Variants in PLCB1 observed in about 807,000 individuals in gnomAD.
PLCB1 encodes phospholipase C beta 1.
PLCB1 carries 46 observed loss-of-function variants against 161.8 expected under a neutral mutation model. That is an observed-to-expected ratio of 0.28 (90% CI 0.22 to 0.36). The LOEUF (loss-of-function observed/expected upper bound fraction) is 0.36. PLCB1 is among the 10% of genes least tolerant of loss of function. The pLI, the probability that PLCB1 is intolerant of heterozygous loss-of-function variation, is 1.00. For synonymous variants in PLCB1, 517 were observed against 503.7 expected (o/e 1.03, Z -0.35); for missense variants, 1,016 against 1,472.5 (o/e 0.69, Z 5.07).
chr20:8,741,180 A>G (rs1362908995), intron 22 of PLCB1, among the ~76,000 whole-genome samples: 1 of 152,212 alleles, frequency 6.6e-6, no homozygotes, highest in African/African-American at 2.4e-5. Context: ...GTCCAGTTTG[A>G]CTCTCAGAAC....
chr20:8,470,401 TCTC>T (rs1418997117), intron 3 of PLCB1, among the ~76,000 whole-genome samples: 1 of 152,214 alleles, frequency 6.6e-6, no homozygotes, highest in African/African-American at 2.4e-5. Flanking sequence ...GATTCCACGT[TCTC>T]CACATTCTCA....
chr20:8,724,787 C>T (rs1214133193), intron 16 of PLCB1, 35 bp downstream of exon 16: 2 of 1,089,946 alleles, frequency 1.8e-6, no homozygotes, highest in East Asian at 4.7e-5. Context: ...CCTCTTGCAG[C>T]ATATAATGAT....
At chr20:8,318,949 T>C (rs759606869) in intron 2 of PLCB1, among the ~76,000 whole-genome samples, 6 of 152,148 alleles carry the variant, frequency 3.9e-5, no homozygotes, top group Non-Finnish European at 5.9e-5. Context: ...AAAAGTGATA[T>C]CTTTTTACCA....
At chr20:8,804,297 C>G (rs1262234191) in intron 31 of PLCB1, among the ~76,000 whole-genome samples, 1 of 152,142 alleles carries the variant, frequency 6.6e-6, no homozygotes, top group Non-Finnish European at 1.5e-5. Context: ...GTGTTCACAA[C>G]TTGTATTCCC....
At chr20:8,826,653 T>C (rs908105746) in intron 31 of PLCB1, among the ~76,000 whole-genome samples, 4 of 152,202 alleles carry the variant, frequency 2.6e-5, no homozygotes, top group African/African-American at 9.6e-5. Context: ...CTCTATTGTT[T>C]TGTGTTACCC....
At chr20:8,777,452 C>T (rs1982998385) in intron 27 of PLCB1, among the ~76,000 whole-genome samples, 1 of 152,090 alleles carries the variant, frequency 6.6e-6, no homozygotes, top group Admixed American at 6.5e-5. Flanking sequence ...GGTGCGGTGG[C>T]TCACACCTGT....
chr20:8,391,945 G>A (rs749696848), intron 3 of PLCB1, among the ~76,000 whole-genome samples: 1 of 151,210 alleles, frequency 6.6e-6, no homozygotes, highest in Non-Finnish European at 1.5e-5. Context: ...GTAATTTAAC[G>A]AAAGAAACAT....
At chr20:8,235,766 A>G (rs1366401025) in intron 2 of PLCB1, among the ~76,000 whole-genome samples, 1 of 152,110 alleles carries the variant, frequency 6.6e-6, no homozygotes, top group African/African-American at 2.4e-5. Context: ...TCAACACGGA[A>G]ATTATTTCTA....
intron 9 of PLCB1, among the ~76,000 whole-genome samples, chr20:8,665,468 C>T (rs1343862781): frequency 6.6e-6 from 1 of 152,096 alleles, no homozygotes; most frequent in African/African-American, 2.4e-5. Context: ...TGCTGTTTCT[C>T]ATCTAACAGC....
chr20:8,675,554 A>G (rs1387199255), intron 9 of PLCB1, among the ~76,000 whole-genome samples: 1 of 152,214 alleles, frequency 6.6e-6, no homozygotes, highest in Admixed American at 6.5e-5. Context: ...CAAATACAAG[A>G]TCAAAGATAA....
At chr20:8,638,952 G>C (rs1203820535) in intron 4 of PLCB1, among the ~76,000 whole-genome samples, 1 of 150,388 alleles carries the variant, frequency 6.6e-6, no homozygotes, top group Non-Finnish European at 1.5e-5. Flanking sequence ...TTTTTAATTT[G>C]TGTTTTGTTC....
chr20:8,291,234 C>T (rs1447917791), intron 2 of PLCB1, among the ~76,000 whole-genome samples: 1 of 152,136 alleles, frequency 6.6e-6, no homozygotes, highest in African/African-American at 2.4e-5. Context: ...AATCCAGCTC[C>T]TGATCAGGCT....
intron 2 of PLCB1, among the ~76,000 whole-genome samples, chr20:8,236,174 C>G (rs552383696): frequency 6.6e-6 from 1 of 152,194 alleles, no homozygotes; most frequent in East Asian, 1.9e-4. Context: ...ATATAGCACT[C>G]TATTGATATG....
chr20:8,777,918 G>T (rs778635831), intron 27 of PLCB1, among the ~76,000 whole-genome samples: 6 of 152,066 alleles, frequency 3.9e-5, no homozygotes, highest in Non-Finnish European at 7.4e-5. Flanking sequence ...GAGTGCTTGT[G>T]CAGGGACATT....
At chr20:8,869,215 G>A (rs1177941139) in intron 31 of PLCB1, among the ~76,000 whole-genome samples, 1 of 151,928 alleles carries the variant, frequency 6.6e-6, no homozygotes, top group Non-Finnish European at 1.5e-5. Context: ...TATACTTTAA[G>A]TTTTAGGGTA....
At chr20:8,717,313 C>A (rs1047273143) in intron 13 of PLCB1, among the ~76,000 whole-genome samples, 19 of 152,296 alleles carry the variant, frequency 1.2e-4, no homozygotes, top group African/African-American at 4.3e-4. Context: ...GCCTGGCTTC[C>A]CTCCTTCAAA....
At chr20:8,771,877 G>GTTCCTTCCTTCCTTCGTTCC (rs139759464) in intron 26 of PLCB1, among the ~76,000 whole-genome samples, 519 of 150,254 alleles carry the variant, frequency 3.5e-3, no homozygotes, top group Admixed American at 5.4e-3. Context: ...TCCTTCCTTC[G>GTTCCTTCCTTCCTTCGTTCC]TTCCTTCCTT....
At chr20:8,210,718 A>G (rs1354002868) in intron 2 of PLCB1, among the ~76,000 whole-genome samples, 2 of 152,136 alleles carry the variant, frequency 1.3e-5, no homozygotes, top group African/African-American at 4.8e-5. Context: ...AATTCATTCA[A>G]TTCAATTCAT....
At chr20:8,682,418 C>T (rs1990245470) in intron 9 of PLCB1, among the ~76,000 whole-genome samples, 3 of 152,252 alleles carry the variant, frequency 2.0e-5, no homozygotes, top group African/African-American at 7.2e-5. Context: ...AGGAGGATTG[C>T]CCGAGCCCAG....
Sources: gnomAD v4.1 joint callset for allele counts (sites outside exome capture counted in the v4.1 genomes callset) on GRCh38, gnomAD v4.1.1 for gene constraint, MANE v1.5 for transcripts, NCBI Gene and HGNC (gene_info 2026-07-23, HGNC 2026-07-21) for gene names.